The following DACH2 variants were observed in gnomAD, a reference collection of about 807,000 sequenced individuals.
DACH2 encodes dachshund family transcription factor 2.
A neutral mutation model predicts 35.8 loss-of-function variants in DACH2; 17 were observed. That is an observed-to-expected ratio of 0.48 (90% confidence interval 0.33 to 0.71). The LOEUF is 0.71. Among genes scored for constraint, DACH2 ranks in the 30% least tolerant of loss-of-function variants. DACH2 has a pLI of 0.02. For missense variants in DACH2, 469 were observed against 472.7 expected (o/e 0.99, Z 0.07); for synonymous variants, 195 against 177.3 (o/e 1.10, Z -0.79).
chrX:86,472,842 G>A (rs1417823061), intron 2 of DACH2, among the ~76,000 whole-genome samples: 1 of 111,741 alleles, frequency 8.9e-6, no homozygotes, highest in African/African-American at 3.2e-5. Flanking sequence ...ATTAAATATC[G>A]ATAGATTAGC....
At chrX:86,575,008 T>C (rs2039418769) in intron 3 of DACH2, among the ~76,000 whole-genome samples, 1 of 111,904 alleles carries the variant, frequency 8.9e-6, no homozygotes, top group South Asian at 3.7e-4. Context: ...ATAAATATTT[T>C]ACAGTTATTC....
intron 1 of DACH2, among the ~76,000 whole-genome samples, chrX:86,294,470 A>G (rs889131356): frequency 5.4e-5 from 6 of 110,965 alleles, no homozygotes; most frequent in African/African-American, 1.6e-4. Flanking sequence ...CTGGTGAGGA[A>G]CTGCATTCCT....
intron 2 of DACH2, among the ~76,000 whole-genome samples, chrX:86,477,365 TA>T (rs2037861925): frequency 2.0e-5 from 2 of 101,296 alleles, no homozygotes; most frequent in Non-Finnish European, 4.0e-5. Flanking sequence ...TATATATATA[TA>T]TATAATTGTT....
intron 4 of DACH2, among the ~76,000 whole-genome samples, chrX:86,651,672 G>A (rs2040479873): frequency 8.9e-6 from 1 of 111,986 alleles, no homozygotes. Flanking sequence ...AGAAAAGATG[G>A]ATGAAAGGAA....
intron 1 of DACH2, among the ~76,000 whole-genome samples, chrX:86,346,612 G>A (rs940735532): frequency 5.7e-4 from 64 of 111,372 alleles, no homozygotes; most frequent in Non-Finnish European, 1.1e-3. Context: ...CTACAAATCT[G>A]TTTCTTATTT....
At chrX:86,716,460 TA>T (rs2041337282) in intron 6 of DACH2, among the ~76,000 whole-genome samples, 1 of 111,316 alleles carries the variant, frequency 9.0e-6, no homozygotes, top group Non-Finnish European at 1.9e-5. Context: ...CTTAGGCGCC[TA>T]AGGAGAGGAA....
At chrX:86,826,490 T>C (rs1465007615) in intron 11 of DACH2, among the ~76,000 whole-genome samples, 1 of 80,823 alleles carries the variant, frequency 1.2e-5, no homozygotes, top group East Asian at 2.9e-4. Context: ...TAGAACTTTC[T>C]GAAAAAAAAA....
chrX:86,684,953 A>C (rs746337316), intron 4 of DACH2, among the ~76,000 whole-genome samples: 1 of 111,950 alleles, frequency 8.9e-6, no homozygotes, highest in Admixed American at 9.6e-5. Flanking sequence ...GATTTTAACT[A>C]ATAAATTTTA....
rs773771401 is a variant in DACH2 at position 86,500,461 on chromosome X, C to A, written c.528-13818C>A. ...GAACATCTTCTATCTGTATCCCACA[C>A]GCCTACTCACTCCTTCAAGAAATAA... On this transcript the variant is annotated intron_variant, in intron 2 of 11. Transcript: ENST00000373125. 3.6e-5 allele frequency among the ~76,000 whole-genome samples: 4 copies of A among 111,753 alleles called. No homozygotes were observed. In the East Asian group the frequency reaches 1.1e-3, roughly 32 times the overall value.
chrX:86,494,720 A>G (rs2038141994), intron 2 of DACH2, among the ~76,000 whole-genome samples: 1 of 112,297 alleles, frequency 8.9e-6, no homozygotes, highest in Admixed American at 9.4e-5. Flanking sequence ...ATCTTCTTTC[A>G]TGTCATCTTG....
At chrX:86,581,767 T>C (rs5968949) in intron 3 of DACH2, among the ~76,000 whole-genome samples, 18,531 of 111,016 alleles carry the variant, frequency 0.17, 1,547 homozygotes, top group African/African-American at 0.32. Flanking sequence ...AAGAGACTTA[T>C]ATAACCACAC....
rs773252280 is a variant in DACH2 at position 86,404,950 on chromosome X, T to C, written c.527+28088T>C. ...ACACCATGTGGAAGCCACCAAGGCT[T>C]GGGGCTTGCACCCTCTGAAGCAGCA... On this transcript the variant is annotated intron_variant, in intron 2 of 11. Transcript: ENST00000373125. 7.8e-4 allele frequency among the ~76,000 whole-genome samples: 88 copies of C among 112,518 alleles called. 1 individual carries two copies. The Admixed American group carries it at 8.1e-3, about 10-fold the overall frequency.
At chrX:86,192,225 A>G (rs1159159015) in intron 1 of DACH2, among the ~76,000 whole-genome samples, 1 of 111,849 alleles carries the variant, frequency 8.9e-6, no homozygotes, top group Non-Finnish European at 1.9e-5. Context: ...CCATAGCTAA[A>G]GAAAATGGCA....
At position 86,606,245 on chromosome X, in the gene DACH2, G is replaced by A. The variant is rs1212761770; in HGVS notation, c.641-44791G>A. Among the ~76,000 whole-genome samples the A allele has an allele frequency of 1.4e-4, 15 of 106,658 alleles. No homozygotes were observed. In the Admixed American group the frequency reaches 1.5e-3, roughly 11 times the overall value. 92.6% of individuals were successfully genotyped at this position (106,658 alleles called of 115,157 possible). Reference sequence around the variant, plus strand: ...GTAATTTTGGGTTTTGCTTACTCTTGCTTTTCTAGTTTTTTATGAGACATG... The same window carrying A: ...GTAATTTTGGGTTTTGCTTACTCTTACTTTTCTAGTTTTTTATGAGACATG... On this transcript the variant is annotated intron_variant, in intron 3 of 11. Transcript: ENST00000373125.
At chrX:86,276,513 T>C (rs1224733924) in intron 1 of DACH2, among the ~76,000 whole-genome samples, 2 of 111,867 alleles carry the variant, frequency 1.8e-5, no homozygotes, top group Non-Finnish European at 3.8e-5. Flanking sequence ...TATTCTTTGC[T>C]GTGTGGAAGC....
intron 1 of DACH2, among the ~76,000 whole-genome samples, chrX:86,262,286 T>TCAAAA (rs1233160875): frequency 2.7e-5 from 3 of 111,176 alleles, no homozygotes; most frequent in Admixed American, 9.6e-5. Flanking sequence ...AGACCCTGTC[T>TCAAAA]CAAAACAAAA....
intron 1 of DACH2, among the ~76,000 whole-genome samples, chrX:86,250,630 G>A (rs1265504826): frequency 9.0e-6 from 1 of 111,013 alleles, no homozygotes; most frequent in African/African-American, 3.3e-5. Context: ...AATGTTTTCT[G>A]AGTGCTATAC....
At chrX:86,422,066 A>AG (rs1471488949) in intron 2 of DACH2, among the ~76,000 whole-genome samples, 2 of 111,332 alleles carry the variant, frequency 1.8e-5, no homozygotes, top group Admixed American at 1.9e-4. Context: ...GTGAAAATTG[A>AG]GGGAAAAAAA....
At chrX:86,305,403 C>T (rs2034664736) in intron 1 of DACH2, among the ~76,000 whole-genome samples, 1 of 111,116 alleles carries the variant, frequency 9.0e-6, no homozygotes, top group Non-Finnish European at 1.9e-5. Context: ...CATTAAAGTT[C>T]TTGCCTAGAA....
Sources: gnomAD v4.1 joint callset for allele counts (sites outside exome capture counted in the v4.1 genomes callset) on GRCh38, gnomAD v4.1.1 for gene constraint, MANE v1.5 for transcripts, NCBI Gene and HGNC (gene_info 2026-07-23, HGNC 2026-07-21) for gene names.